The following TAF1B variants were observed in gnomAD, a reference collection of about 807,000 sequenced individuals.
TAF1B encodes TATA box-binding protein-associated factor RNA polymerase I subunit B.
TAF1B carries 61 observed loss-of-function variants against 83.9 expected under a neutral mutation model. The ratio of observed to expected loss-of-function variants is 0.73; its 90% CI spans 0.59 to 0.90. The LOEUF (loss-of-function observed/expected upper bound fraction) is 0.90. Ranked by LOEUF, TAF1B falls within the 40% of genes least tolerant of loss-of-function variation. The pLI is 0.00. For synonymous variants in TAF1B, 221 were observed against 224.6 expected, an observed-to-expected ratio of 0.98 and a Z score of 0.14; for missense variants, 625 against 677.0, an observed-to-expected ratio of 0.92 and a Z score of 0.85.
At chr2:9,846,795 ATATT>A (rs969465948) in intron 2 of TAF1B, among the ~76,000 whole-genome samples, 7 of 152,034 alleles carry the variant, frequency 4.6e-5, no homozygotes, top group African/African-American at 1.7e-4. Context: ...GGTGATGGAG[ATATT>A]TATTATCTTG....
rs578035342 is a variant in TAF1B at position 9,845,721 on chromosome 2, G to A, written c.117+403G>A. 138 of 257,860 alleles carry A rather than the reference G, an allele frequency of 5.4e-4. 2 individuals are homozygous for A. Among genetic ancestry groups the A allele is most frequent in the African/African-American group, 2.9e-3 (129 of 44,026 alleles). 16.0% of individuals were successfully genotyped at this position (257,860 alleles called of 1,614,324 possible). A position where few individuals can be genotyped will look rare whatever the true frequency, so the allele number is the denominator to read the frequency against. ...GACTGGGCCGGGCGCAGTGGCTTAC[G>A]CCTGTAATCCCAGCACTTTGGGAGG... On this transcript the variant is annotated intron_variant, in intron 2 of 14. Coordinates refer to ENST00000263663, the MANE Select transcript of TAF1B (RefSeq NM_005680.3).
intron 14 of TAF1B, among the ~76,000 whole-genome samples, chr2:9,930,260 T>G (rs549149816): frequency 6.6e-6 from 1 of 152,310 alleles, no homozygotes; most frequent in South Asian, 2.1e-4. Context: ...TTCTTTTAAT[T>G]GTGATGTTAA....
At chr2:9,905,063 G>A in intron 9 of TAF1B, 57 bp downstream of exon 9, 1 of 1,492,048 alleles carries the variant, frequency 6.7e-7, no homozygotes, top group Non-Finnish European at 9.2e-7. Context: ...ATAATAAGCA[G>A]AGTATAGAAT....
chr2:9,868,698 G>A (rs1246645425), intron 6 of TAF1B: 1 of 585,832 alleles, frequency 1.7e-6, no homozygotes, highest in Admixed American at 2.2e-5. Flanking sequence ...AAAGAAGGAG[G>A]CTGCTTCAGA....
At chr2:9,886,119 G>GC (rs35833128) in intron 8 of TAF1B, among the ~76,000 whole-genome samples, 42,178 of 151,578 alleles carry the variant, frequency 0.28, 6,788 homozygotes, top group Middle Eastern at 0.38. Context: ...CAGACATATT[G>GC]ACGTATTCAA....
chr2:9,899,479 T>C (rs1665116937), intron 8 of TAF1B, among the ~76,000 whole-genome samples: 1 of 152,234 alleles, frequency 6.6e-6, no homozygotes, highest in East Asian at 1.9e-4. Flanking sequence ...TACCACATTT[T>C]GTTCATCCAT....
chr2:9,926,719 G>A (rs1161551406), intron 14 of TAF1B, among the ~76,000 whole-genome samples: 3 of 149,820 alleles, frequency 2.0e-5, no homozygotes, highest in African/African-American at 7.4e-5. Context: ...CATGCCTGTA[G>A]TCCCAGCTAC....
At chr2:9,879,868 CTA>C (rs1486968969) in intron 7 of TAF1B, among the ~76,000 whole-genome samples, 1 of 152,210 alleles carries the variant, frequency 6.6e-6, no homozygotes, top group African/African-American at 2.4e-5. Flanking sequence ...TGTGCAGTCT[CTA>C]TTTTCAGGAC....
chr2:9,910,292 T>C (rs1219524111), intron 9 of TAF1B, among the ~76,000 whole-genome samples: 5 of 152,224 alleles, frequency 3.3e-5, no homozygotes, highest in Non-Finnish European at 5.9e-5. Flanking sequence ...GCTGAACATA[T>C]AATTTCTTTA....
At chr2:9,873,416 T>G (rs1282317565) in intron 6 of TAF1B, among the ~76,000 whole-genome samples, 3 of 152,150 alleles carry the variant, frequency 2.0e-5, no homozygotes, top group Admixed American at 6.6e-5. Flanking sequence ...CTACCCTTAC[T>G]CCTTATGTGA....
intron 9 of TAF1B, among the ~76,000 whole-genome samples, chr2:9,905,363 T>A (rs1477377782): frequency 6.6e-6 from 1 of 152,190 alleles, no homozygotes; most frequent in Non-Finnish European, 1.5e-5. Context: ...CTTTTTAATT[T>A]GCATGAGGCA....
At chr2:9,919,512 G>T in intron 13 of TAF1B, 86 bp from the exon 14 acceptor site, 2 of 1,183,354 alleles carry the variant, frequency 1.7e-6, no homozygotes, top group Non-Finnish European at 2.5e-6. Context: ...AACCAATATT[G>T]GTACATTCCT....
At chr2:9,889,772 GTTA>G (rs1456385310) in intron 8 of TAF1B, among the ~76,000 whole-genome samples, 1 of 152,108 alleles carries the variant, frequency 6.6e-6, no homozygotes, top group Non-Finnish European at 1.5e-5. Context: ...TGTGTGGTTT[GTTA>G]TTAATAGTCC....
At chr2:9,845,387 T>C in intron 2 of TAF1B, 69 bp downstream of exon 2, 10 of 1,285,376 alleles carry the variant, frequency 7.8e-6, no homozygotes, top group Non-Finnish European at 1.1e-5. Flanking sequence ...TGATATGTAG[T>C]CTAAGTCCCA....
At chr2:9,843,920 A>G in intron 1 of TAF1B, 1 of 146,126 alleles carries the variant, frequency 6.8e-6, no homozygotes, top group Non-Finnish European at 1.5e-5. Context: ...TGGGTGAGGG[A>G]GGGGCAGGGG....
chr2:9,856,523 A>G (rs1036057), intron 5 of TAF1B, among the ~76,000 whole-genome samples: 27,296 of 152,150 alleles, frequency 0.18, 3,106 homozygotes, highest in East Asian at 0.31. Flanking sequence ...CTAAGGTAAC[A>G]CTTTGAAAAA....
chr2:9,926,928 G>T (rs1281337400), intron 14 of TAF1B, among the ~76,000 whole-genome samples: 2 of 151,736 alleles, frequency 1.3e-5, no homozygotes, highest in African/African-American at 2.4e-5. Flanking sequence ...CAACCTACAG[G>T]TTTGTTACAT....
At position 9,893,473 on chromosome 2, in the gene TAF1B, T is replaced by C. The variant is rs1399181169; in HGVS notation, c.807+10668T>C. Among the ~76,000 whole-genome samples, 8 of 152,218 alleles carry C rather than the reference T, an allele frequency of 5.3e-5. No homozygotes were observed. The East Asian group carries it at 1.5e-3, about 29-fold the overall frequency. On this transcript the variant is annotated intron_variant, in intron 8 of 14. Transcript: ENST00000263663. ...TACAGTAAACCACTATGAAAATTCA[T>C]GAACTGCAGCTGCAAGCAACGTGAA...
Position 9,905,539 on chromosome 2 carries a change from G to A in TAF1B, c.955+533G>A, listed in dbSNP as rs553722266. Among the ~76,000 whole-genome samples the A allele has an allele frequency of 3.9e-5, 6 of 152,278 alleles. 1 individual carries two copies. In the South Asian group the frequency reaches 1.2e-3, roughly 32 times the overall value. On this transcript the variant is annotated intron_variant, in intron 9 of 14. Transcript: ENST00000263663. Reference sequence around the variant, plus strand: ...GGCAGTGAAACATAGAATGTAAAAAGAGCCTCACTATACCTGGTTCATAGT... The same window carrying A: ...GGCAGTGAAACATAGAATGTAAAAAAAGCCTCACTATACCTGGTTCATAGT...
Sources: gnomAD v4.1 joint callset for allele counts (sites outside exome capture counted in the v4.1 genomes callset) on GRCh38, gnomAD v4.1.1 for gene constraint, MANE v1.5 for transcripts, NCBI Gene and HGNC (gene_info 2026-07-23, HGNC 2026-07-21) for gene names.